Variants in CCNY observed in about 807,000 individuals in gnomAD.
CCNY encodes the protein cyclin Y, also known as cyclin-Y.
In CCNY, 19 loss-of-function variants were observed where a neutral mutation model predicts 42.8. That is an observed-to-expected ratio of 0.44 (90% CI 0.31 to 0.65). CCNY has a LOEUF of 0.65. Ranked by LOEUF, CCNY falls within the 30% of genes least tolerant of loss-of-function variation. The pLI, the probability that CCNY is intolerant of heterozygous loss-of-function variation, is 0.07. For missense variants in CCNY, 370 were observed against 437.3 expected (o/e 0.85, Z 1.37); for synonymous variants, 165 against 162.7 (o/e 1.01, Z -0.11).
chr10:35,569,532 G>A lies in CCNY; in HGVS notation c.*362G>A, dbSNP rs755080015. 3.0e-5 allele frequency: 9 copies of A among 295,200 alleles called. No individual in the cohort carries two copies. In the East Asian group the frequency reaches 5.2e-4, roughly 17 times the overall value. The allele number at this position is 295,200 out of a possible 1,614,324, so 18.3% of individuals were successfully genotyped here. On this transcript the variant is annotated 3_prime_UTR_variant, in exon 10 of 10. Transcript: ENST00000374704. The stretch of plus-strand genomic sequence containing the variant: ...GGTAGCTGAAGTTGGCGAGCGCAGC[G>A]GTGGATGCAGAGCTGGCTGCACCCA...
At chr10:35,541,247 T>A (rs1345951349) in intron 7 of CCNY, among the ~76,000 whole-genome samples, 2 of 152,144 alleles carry the variant, frequency 1.3e-5, no homozygotes, top group African/African-American at 4.8e-5. Flanking sequence ...AGTTTTAGAT[T>A]TACATAAAAA....
At chr10:35,361,079 G>C (rs1011510258) in intron 1 of CCNY, among the ~76,000 whole-genome samples, 1 of 152,018 alleles carries the variant, frequency 6.6e-6, no homozygotes, top group Non-Finnish European at 1.5e-5. Context: ...GGCTGGTCTC[G>C]AACTCCTGGC....
intron 7 of CCNY, among the ~76,000 whole-genome samples, chr10:35,550,772 C>T (rs1404758067): frequency 6.6e-6 from 1 of 152,142 alleles, no homozygotes; most frequent in South Asian, 2.1e-4. Flanking sequence ...CCAGGTTTTA[C>T]TCCCCCCTCT....
At chr10:35,266,824 C>A (rs1189592995) in intron 3 of CCNY, among the ~76,000 whole-genome samples, 1 of 152,068 alleles carries the variant, frequency 6.6e-6, no homozygotes, top group African/African-American at 2.4e-5. Context: ...TGGCTCACAC[C>A]TGTAATCCCA....
chr10:35,487,060 A>G (rs1404518404), intron 2 of CCNY, among the ~76,000 whole-genome samples: 1 of 152,244 alleles, frequency 6.6e-6, no homozygotes, highest in Non-Finnish European at 1.5e-5. Context: ...GGATGTCAGT[A>G]TTCCTTGTGC....
intron 1 of CCNY, among the ~76,000 whole-genome samples, chr10:35,454,884 T>C (rs1359618545): frequency 6.6e-6 from 1 of 152,182 alleles, no homozygotes; most frequent in Non-Finnish European, 1.5e-5. Flanking sequence ...CTCAGAAGGG[T>C]GATGTGACCA....
Position 35,552,344 on chromosome 10 carries a change from C to T in CCNY, c.580-675C>T, listed in dbSNP as rs1004260810. On this transcript the variant is annotated intron_variant, in intron 7 of 9. Transcript: ENST00000374704. Reference sequence around the variant, plus strand: ...AGATTCATAGAGAATGGTGGTTGCCCGGAGCTGCGGAGAGGGAGGAAGTGG... The same window carrying T: ...AGATTCATAGAGAATGGTGGTTGCCTGGAGCTGCGGAGAGGGAGGAAGTGG... Among the ~76,000 whole-genome samples, 7 of 151,994 alleles carry T rather than the reference C, an allele frequency of 4.6e-5. No individual in the cohort carries two copies. In the East Asian group the frequency reaches 5.8e-4, roughly 13 times the overall value.
intron 3 of CCNY, among the ~76,000 whole-genome samples, chr10:35,504,160 T>C (rs753000685): frequency 2.0e-5 from 3 of 152,174 alleles, no homozygotes; most frequent in Non-Finnish European, 4.4e-5. Flanking sequence ...GAGGCTACTA[T>C]TTAAGAGAAA....
At chr10:35,508,770 A>G (rs1248624234) in intron 3 of CCNY, among the ~76,000 whole-genome samples, 1 of 152,220 alleles carries the variant, frequency 6.6e-6, no homozygotes, top group East Asian at 1.9e-4. Flanking sequence ...CATAATTAAC[A>G]TGTAAAATTC....
intron 3 of CCNY, among the ~76,000 whole-genome samples, chr10:35,316,098 A>C (rs1337477352): frequency 6.6e-6 from 1 of 152,160 alleles, no homozygotes; most frequent in South Asian, 2.1e-4. Context: ...TTACAATGTG[A>C]TTTTTAATGA....
chr10:35,505,438 T>G (rs886272992), intron 3 of CCNY, among the ~76,000 whole-genome samples: 2 of 151,654 alleles, frequency 1.3e-5, no homozygotes, highest in Non-Finnish European at 2.9e-5. Flanking sequence ...GTCTCAACAC[T>G]GAGTCTGGTG....
chr10:35,369,138 C>A (rs1036792187), intron 1 of CCNY, among the ~76,000 whole-genome samples: 1 of 152,110 alleles, frequency 6.6e-6, no homozygotes, highest in Non-Finnish European at 1.5e-5. Context: ...ATATTCAGGC[C>A]GAAATGACCT....
intron 1 of CCNY, among the ~76,000 whole-genome samples, chr10:35,406,805 G>GC (rs1479172416): frequency 6.6e-6 from 1 of 152,012 alleles, no homozygotes; most frequent in Non-Finnish European, 1.5e-5. Flanking sequence ...AGTAGGGGCG[G>GC]CCAGGCAGAG....
chr10:35,399,496 C>T lies in CCNY; in HGVS notation c.154+62289C>T, dbSNP rs183572550. Among the ~76,000 whole-genome samples, 41 of 152,244 alleles carry T rather than the reference C, an allele frequency of 2.7e-4. No homozygotes were observed. The East Asian group carries it at 2.7e-3, about 10-fold the overall frequency. Reference sequence around the variant, plus strand: ...GCCAGGTGGCCGACACAGGACACAACGCTGTTTAATTCAAGGTGTGAAGGG... The same window carrying T: ...GCCAGGTGGCCGACACAGGACACAATGCTGTTTAATTCAAGGTGTGAAGGG... On this transcript the variant is annotated intron_variant, in intron 1 of 9. Transcript: ENST00000374704.
rs1841704634 is a variant in CCNY at position 35,572,379 on chromosome 10, T to G, written c.*3209T>G. 6.6e-6 allele frequency: 1 copy of G among 152,030 alleles called. No individual in the cohort carries two copies. The highest frequency in any genetic ancestry group is 1.5e-5 in the Non-Finnish European group (1 of 68,050). The allele number at this position is 152,030 out of a possible 1,614,324, so 9.4% of individuals were successfully genotyped here. Reference sequence around the variant, plus strand: ...CTCACTGCAACCCCCACTTCCCGGATTCAAGCAATTCTGCCTCAGCCTCCC... The same window carrying G: ...CTCACTGCAACCCCCACTTCCCGGAGTCAAGCAATTCTGCCTCAGCCTCCC... On this transcript the variant is annotated 3_prime_UTR_variant, in exon 10 of 10. Transcript: ENST00000374704.
chr10:35,250,065 G>A (rs1235481278), intron 2 of CCNY, among the ~76,000 whole-genome samples: 1 of 152,068 alleles, frequency 6.6e-6, no homozygotes, highest in African/African-American at 2.4e-5. Context: ...ATGGTGGCGG[G>A]TGCCTGTAGT....
At chr10:35,297,456 C>T (rs913491303) in intron 3 of CCNY, among the ~76,000 whole-genome samples, 1 of 152,056 alleles carries the variant, frequency 6.6e-6, no homozygotes, top group African/African-American at 2.4e-5. Flanking sequence ...AGACAAGGAA[C>T]CACTCCTATT....
At chr10:35,462,596 A>C (rs1238544736) in intron 1 of CCNY, among the ~76,000 whole-genome samples, 3 of 152,248 alleles carry the variant, frequency 2.0e-5, no homozygotes, top group Non-Finnish European at 4.4e-5. Flanking sequence ...CCTCTCTGCC[A>C]GGACCTGTCT....
At chr10:35,459,376 C>T (rs1476206257) in intron 1 of CCNY, among the ~76,000 whole-genome samples, 2 of 152,226 alleles carry the variant, frequency 1.3e-5, no homozygotes, top group Admixed American at 1.3e-4. Flanking sequence ...TTTCTTGAAA[C>T]ATTATGACCT....
Sources: allele counts gnomAD v4.1 joint callset (sites outside exome capture counted in the v4.1 genomes callset), GRCh38; gene constraint gnomAD v4.1.1; transcripts MANE v1.5; gene names NCBI Gene and HGNC (gene_info 2026-07-23, HGNC 2026-07-21).